The following XPR1 variants were observed in gnomAD, a reference collection of about 807,000 sequenced individuals.
XPR1 encodes the protein solute carrier family 53 member 1.
In XPR1, 28 loss-of-function variants were observed where a neutral mutation model predicts 87.5. That is an observed-to-expected ratio of 0.32 (90% CI 0.24 to 0.44). XPR1 has a LOEUF of 0.44. XPR1 is among the 20% of genes least tolerant of loss of function. XPR1 has a pLI of 1.00. For synonymous variants in XPR1, 300 were observed against 306.1 expected, an observed-to-expected ratio of 0.98 and a Z score of 0.21; for missense variants, 559 against 862.3, an observed-to-expected ratio of 0.65 and a Z score of 4.41.
rs143320476 is a variant in XPR1 at position 180,853,626 on chromosome 1, G to GACACACACACAC, written c.1502-10051_1502-10040dup. On this transcript the variant is annotated intron_variant, in intron 11 of 14. Transcript: ENST00000367590. ...TTGGGTATTTTGTTATTAGACTATAGACACACACACACACACACACACACA... is the reference window on the plus strand; with the variant it reads ...TTGGGTATTTTGTTATTAGACTATAGACACACACACACACACACACACACACACACACACACA... 8.0e-3 allele frequency among the ~76,000 whole-genome samples: 1,128 copies of GACACACACACAC among 140,292 alleles called. 6 individuals are homozygous for GACACACACACAC. The highest frequency in any genetic ancestry group is 0.013 in the South Asian group (53 of 4,194). 92.0% of individuals were successfully genotyped at this position (140,292 alleles called of 152,430 possible). A position where few individuals can be genotyped will look rare whatever the true frequency, so the allele number is the denominator to read the frequency against.
chr1:180,638,515 A>T (rs766850134), intron 1 of XPR1, among the ~76,000 whole-genome samples: 2 of 152,184 alleles, frequency 1.3e-5, no homozygotes, highest in Non-Finnish European at 2.9e-5. Flanking sequence ...AGTAAATGCT[A>T]AAAGAAGCCA....
chr1:180,748,875 T>C (rs1025290301), intron 2 of XPR1, among the ~76,000 whole-genome samples: 1 of 152,196 alleles, frequency 6.6e-6, no homozygotes, highest in Non-Finnish European at 1.5e-5. Flanking sequence ...AAATCACAGT[T>C]TGATTTGTTT....
chr1:180,655,520 C>T (rs1465818221), intron 1 of XPR1, among the ~76,000 whole-genome samples: 1 of 151,770 alleles, frequency 6.6e-6, no homozygotes, highest in Admixed American at 6.6e-5. Context: ...CCCACCTCAG[C>T]CTCCTGAGTA....
chr1:180,814,634 A>G (rs3002113), intron 7 of XPR1, among the ~76,000 whole-genome samples: 27,647 of 152,196 alleles, frequency 0.18, 3,022 homozygotes, highest in Middle Eastern at 0.31. Flanking sequence ...CTTGATGCCT[A>G]CAAGTCTTAA....
At chr1:180,759,010 A>G (rs1571807017) in intron 2 of XPR1, among the ~76,000 whole-genome samples, 4 of 152,320 alleles carry the variant, frequency 2.6e-5, no homozygotes, top group Middle Eastern at 3.4e-3. Context: ...CTGCTCCTGA[A>G]TGACTACTGG....
At chr1:180,658,457 GCTT>G (rs1655615806) in intron 1 of XPR1, among the ~76,000 whole-genome samples, 1 of 152,140 alleles carries the variant, frequency 6.6e-6, no homozygotes, top group Admixed American at 6.5e-5. Context: ...GTTGAGGTAT[GCTT>G]CTTCTATACC....
intron 11 of XPR1, among the ~76,000 whole-genome samples, chr1:180,855,983 CTGTT>C (rs1336796902): frequency 6.6e-6 from 1 of 152,122 alleles, no homozygotes; most frequent in African/African-American, 2.4e-5. Flanking sequence ...AATCTTCAAA[CTGTT>C]TGTCATTACT....
At chr1:180,736,347 G>A (rs1041913193) in intron 2 of XPR1, among the ~76,000 whole-genome samples, 3 of 152,138 alleles carry the variant, frequency 2.0e-5, no homozygotes, top group South Asian at 2.1e-4. Flanking sequence ...CTCTTATGAG[G>A]ACTAAAGGAC....
intron 1 of XPR1, among the ~76,000 whole-genome samples, chr1:180,680,980 C>T (rs1457173500): frequency 3.3e-5 from 5 of 152,166 alleles, no homozygotes; most frequent in Non-Finnish European, 7.4e-5. Context: ...ACCACATGTT[C>T]TCACTCATAT....
At chr1:180,787,155 GT>G (rs897007224) in intron 2 of XPR1, among the ~76,000 whole-genome samples, 5 of 151,568 alleles carry the variant, frequency 3.3e-5, no homozygotes, top group Admixed American at 1.3e-4. Context: ...TCTGTCTACA[GT>G]TTTTTTTCTC....
chr1:180,800,945 C>T (rs963800060), intron 3 of XPR1, among the ~76,000 whole-genome samples: 3 of 152,116 alleles, frequency 2.0e-5, no homozygotes, highest in Admixed American at 2.0e-4. Context: ...AGTATTTGGC[C>T]ACCAGACCTG....
At chr1:180,823,624 G>T (rs1383693369) in intron 7 of XPR1, among the ~76,000 whole-genome samples, 1 of 152,192 alleles carries the variant, frequency 6.6e-6, no homozygotes, top group Non-Finnish European at 1.5e-5. Context: ...AATTTGAATT[G>T]TGAGGCTAAG....
chr1:180,881,665 A>C (rs145854512), intron 14 of XPR1, among the ~76,000 whole-genome samples: 1 of 152,312 alleles, frequency 6.6e-6, no homozygotes, highest in East Asian at 1.9e-4. Context: ...AAGGAACATA[A>C]GGAGATGTTT....
In XPR1 at chr1:180,713,641, A is replaced by G. The variant is rs151034821; in HGVS notation, c.121+31230A>G. Among the ~76,000 whole-genome samples the G allele has an allele frequency of 2.9e-3, 443 of 152,274 alleles. 3 individuals are homozygous for G. Among genetic ancestry groups the G allele is most frequent in the African/African-American group, 9.6e-3 (401 of 41,556 alleles). ...TTCATATTTATTGAGATGATCATAT[A>G]GCTTTTCTCTTTTAGTTTGTTAATG... On this transcript the variant is annotated intron_variant, in intron 2 of 14. Coordinates refer to ENST00000367590, the MANE Select transcript of XPR1 (RefSeq NM_004736.4).
chr1:180,677,096 G>A (rs550694706), intron 1 of XPR1, among the ~76,000 whole-genome samples: 1 of 152,282 alleles, frequency 6.6e-6, no homozygotes, highest in East Asian at 1.9e-4. Context: ...CTGACTACCT[G>A]GAGGTAGTAC....
intron 11 of XPR1, among the ~76,000 whole-genome samples, 188 bp downstream of exon 11, chr1:180,836,904 T>C (rs1392976912): frequency 6.6e-6 from 1 of 152,216 alleles, no homozygotes; most frequent in Admixed American, 6.5e-5. Context: ...ACTGATAAAG[T>C]ACCATTGAAA....
intron 2 of XPR1, among the ~76,000 whole-genome samples, chr1:180,704,183 G>A (rs1285802324): frequency 3.7e-5 from 5 of 136,960 alleles, no homozygotes; most frequent in Non-Finnish European, 7.8e-5. Flanking sequence ...CTAGAAGCTT[G>A]TTTCTATTCT....
chr1:180,883,228 G>A (rs4550006), intron 14 of XPR1, among the ~76,000 whole-genome samples: 50,807 of 149,514 alleles, frequency 0.34, 8,948 homozygotes, highest in Non-Finnish European at 0.38. Flanking sequence ...AGCCTCCCAA[G>A]GAGCTGGGAT....
At chr1:180,846,856 TAAA>T (rs575472951) in intron 11 of XPR1, among the ~76,000 whole-genome samples, 9 of 132,760 alleles carry the variant, frequency 6.8e-5, no homozygotes, top group Non-Finnish European at 1.2e-4. Flanking sequence ...CTTCACATAG[TAAA>T]AAAAAAAAAA....
Sources: allele counts gnomAD v4.1 joint callset (sites outside exome capture counted in the v4.1 genomes callset), GRCh38; gene constraint gnomAD v4.1.1; transcripts MANE v1.5; gene names NCBI Gene and HGNC (gene_info 2026-07-23, HGNC 2026-07-21).